Variants in CAMSAP2 observed in about 807,000 individuals in gnomAD.
CAMSAP2 encodes the protein calmodulin-regulated spectrin-associated protein 2.
Under a neutral mutation model 146.1 loss-of-function variants are expected in CAMSAP2, and 26 were observed. The observed-to-expected ratio is 0.18, with a 90% CI of 0.13 to 0.25. CAMSAP2 has a LOEUF of 0.25. Among genes scored for constraint, CAMSAP2 ranks in the 10% least tolerant of loss-of-function variants. The probability of loss-of-function intolerance (pLI) is 1.00; values close to 1 mark genes in which losing one functional copy is unlikely to be tolerated. For missense variants in CAMSAP2, 1,381 were observed against 1,759.3 expected, an observed-to-expected ratio of 0.78 and a Z score of 3.85; for synonymous variants, 499 against 596.6, an observed-to-expected ratio of 0.84 and a Z score of 2.38.
intron 11 of CAMSAP2, among the ~76,000 whole-genome samples, chr1:200,851,173 G>A (rs1252299532): frequency 6.6e-6 from 1 of 151,936 alleles, no homozygotes; most frequent in Non-Finnish European, 1.5e-5. Context: ...ACCTCCTAGA[G>A]GTGCTGCATC....
At chr1:200,797,437 T>A (rs1426038011) in intron 2 of CAMSAP2, among the ~76,000 whole-genome samples, 3 of 150,194 alleles carry the variant, frequency 2.0e-5, no homozygotes, top group African/African-American at 7.4e-5. Context: ...GTGAGCATTT[T>A]TTCATGTGTT....
chr1:200,787,974 T>G (rs1373969269), intron 2 of CAMSAP2, among the ~76,000 whole-genome samples: 1 of 152,230 alleles, frequency 6.6e-6, no homozygotes, highest in African/African-American at 2.4e-5. Context: ...CATAATGATA[T>G]TGCACTCAAT....
intron 8 of CAMSAP2, 131 bp from the exon 9 acceptor site, chr1:200,847,077 AAT>A (rs1286174366): frequency 3.3e-6 from 2 of 614,136 alleles, no homozygotes; most frequent in Non-Finnish European, 5.5e-6. Context: ...TGGTTTAAAC[AAT>A]ATGTTTCCAT....
intron 1 of CAMSAP2, among the ~76,000 whole-genome samples, chr1:200,753,776 C>G (rs751148643): frequency 1.3e-5 from 2 of 152,182 alleles, no homozygotes; most frequent in Non-Finnish European, 2.9e-5. Flanking sequence ...TCCCCTCTGG[C>G]AGACCCACTC....
intron 2 of CAMSAP2, among the ~76,000 whole-genome samples, chr1:200,770,320 G>A (rs1410664223): frequency 6.6e-6 from 1 of 152,142 alleles, no homozygotes; most frequent in East Asian, 1.9e-4. Context: ...AAACGATAAT[G>A]TTAGGATTTA....
chr1:200,796,591 A>G (rs980473174), intron 2 of CAMSAP2, among the ~76,000 whole-genome samples: 1 of 151,982 alleles, frequency 6.6e-6, no homozygotes, highest in African/African-American at 2.4e-5. Flanking sequence ...TCTTCCATCC[A>G]TCAATATGGG....
intron 3 of CAMSAP2, among the ~76,000 whole-genome samples, chr1:200,807,990 C>G (rs2102146155): frequency 6.6e-6 from 1 of 152,226 alleles, no homozygotes; most frequent in Non-Finnish European, 1.5e-5. Context: ...GATCTACCCA[C>G]CTTGGCCTCC....
intron 1 of CAMSAP2, among the ~76,000 whole-genome samples, chr1:200,740,975 C>A (rs983183639): frequency 6.6e-6 from 1 of 152,182 alleles, no homozygotes; most frequent in Non-Finnish European, 1.5e-5. Context: ...TTCCCTAGTA[C>A]TCACAAATTT....
chr1:200,781,306 A>G (rs1665421302), intron 2 of CAMSAP2, among the ~76,000 whole-genome samples: 1 of 152,230 alleles, frequency 6.6e-6, no homozygotes, highest in Non-Finnish European at 1.5e-5. Context: ...AAATGAAAGA[A>G]CATAGCTATC....
chr1:200,756,475 G>T (rs986513221), intron 1 of CAMSAP2, among the ~76,000 whole-genome samples: 1 of 151,054 alleles, frequency 6.6e-6, no homozygotes, highest in Non-Finnish European at 1.5e-5. Context: ...AAAAAAAAAA[G>T]AAAAAAAAGT....
chr1:200,782,064 TTGTAATAAAATGATTC>T (rs1349067350), intron 2 of CAMSAP2, among the ~76,000 whole-genome samples: 1 of 152,210 alleles, frequency 6.6e-6, no homozygotes, highest in African/African-American at 2.4e-5. Flanking sequence ...TTATTCATTA[TTGTAATAAAATGATTC>T]TGTAGGCTAA....
chr1:200,747,782 A>G (rs567534487), intron 1 of CAMSAP2, among the ~76,000 whole-genome samples: 422 of 152,230 alleles, frequency 2.8e-3, no homozygotes, highest in African/African-American at 9.2e-3. Context: ...AGGCCGAGGC[A>G]GGCGGATCAC....
chr1:200,807,503 A>T lies in CAMSAP2; in HGVS notation c.527A>T (p.Asp176Val), dbSNP rs1302871429. 1.2e-6 allele frequency: 2 copies of T among 1,611,798 alleles called. No individual in the cohort carries two copies. Among genetic ancestry groups the T allele is most frequent in the Non-Finnish European group, 1.7e-6 (2 of 1,178,978 alleles). Residue 176 changes from aspartate (D) to valine (V), a missense_variant, in exon 3 of 17, where the codon GAT (aspartate) becomes GTT (valine). Coordinates refer to ENST00000358823, the MANE Select transcript of CAMSAP2 (RefSeq NM_203459.4). ...TTTCAAGCCACAGATCTGCCCTATG[A>T]TATTGAGGACGCTGTCATGTACTGG... ...AFFQATDLPY[D>V]IEDAVMYWIN... is the part of the protein sequence containing the mutation.
At chr1:200,817,143 TACACATAC>T (rs1417981786) in intron 4 of CAMSAP2, among the ~76,000 whole-genome samples, 6 of 130,202 alleles carry the variant, frequency 4.6e-5, no homozygotes, top group Admixed American at 7.7e-5. Flanking sequence ...TGTGTATATA[TACACATAC>T]ACACATACAC....
chr1:200,756,887 A>G (rs910545580), intron 1 of CAMSAP2, among the ~76,000 whole-genome samples: 3 of 152,326 alleles, frequency 2.0e-5, no homozygotes, highest in Admixed American at 6.5e-5. Context: ...TGAGGAAGAC[A>G]TGATCCTTGC....
intron 2 of CAMSAP2, among the ~76,000 whole-genome samples, chr1:200,785,677 A>ACGGCACCCAGCCAATTT (rs1244585619): frequency 5.3e-5 from 8 of 149,706 alleles, no homozygotes; most frequent in South Asian, 2.1e-4. Context: ...GGCGTGAGCC[A>ACGGCACCCAGCCAATTT]TGTGCCTGGC....
At chr1:200,741,993 A>G (rs2102982155) in intron 1 of CAMSAP2, among the ~76,000 whole-genome samples, 1 of 152,308 alleles carries the variant, frequency 6.6e-6, no homozygotes. Flanking sequence ...CAAAAGGGTA[A>G]AGGTATTGGT....
At chr1:200,758,621 T>A (rs1664712883) in intron 1 of CAMSAP2, among the ~76,000 whole-genome samples, 1 of 152,198 alleles carries the variant, frequency 6.6e-6, no homozygotes, top group Admixed American at 6.5e-5. Flanking sequence ...CTTTCCAGAG[T>A]CCTATATCTC....
intron 1 of CAMSAP2, among the ~76,000 whole-genome samples, chr1:200,752,295 A>T (rs1445697376): frequency 6.6e-6 from 1 of 152,130 alleles, no homozygotes; most frequent in East Asian, 1.9e-4. Context: ...TCCTTCTGTG[A>T]TATGTAACTT....
Sources: gnomAD v4.1 joint callset for allele counts (sites outside exome capture counted in the v4.1 genomes callset) on GRCh38, gnomAD v4.1.1 for gene constraint, MANE v1.5 for transcripts, NCBI Gene and HGNC (gene_info 2026-07-23, HGNC 2026-07-21) for gene names.